Variants in BMPR1B observed in about 807,000 individuals in gnomAD.
BMPR1B encodes the protein bone morphogenetic protein receptor type-1B.
A neutral mutation model predicts 59.1 loss-of-function variants in BMPR1B; 12 were observed. That is an observed-to-expected ratio of 0.20 (90% CI 0.13 to 0.33). The LOEUF is 0.33. Among genes scored for constraint, BMPR1B ranks in the 10% least tolerant of loss-of-function variants. The pLI, the probability that BMPR1B is intolerant of heterozygous loss-of-function variation, is 1.00. For synonymous variants in BMPR1B, 237 were observed against 207.3 expected (o/e 1.14, Z -1.23); for missense variants, 550 against 610.9 (o/e 0.90, Z 1.05).
At chr4:94,801,273 A>G (rs1362645018) in intron 1 of BMPR1B, among the ~76,000 whole-genome samples, 2 of 152,186 alleles carry the variant, frequency 1.3e-5, no homozygotes, top group Non-Finnish European at 2.9e-5. Context: ...GTAAGAAACT[A>G]CTACAACTAA....
chr4:94,935,320 T>C (rs1671896671), intron 2 of BMPR1B, among the ~76,000 whole-genome samples: 1 of 152,186 alleles, frequency 6.6e-6, no homozygotes, highest in Non-Finnish European at 1.5e-5. Flanking sequence ...TAAACCCCTA[T>C]TACGATTTCA....
intron 3 of BMPR1B, among the ~76,000 whole-genome samples, chr4:95,018,113 G>C (rs1362633712): frequency 6.6e-6 from 1 of 152,130 alleles, no homozygotes; most frequent in Non-Finnish European, 1.5e-5. Flanking sequence ...GAAATATTTA[G>C]TGATGAAATA....
At chr4:94,806,920 CTT>C (rs1723626138) in intron 1 of BMPR1B, among the ~76,000 whole-genome samples, 1 of 151,756 alleles carries the variant, frequency 6.6e-6, no homozygotes, top group East Asian at 1.9e-4. Flanking sequence ...CAGTTGATTT[CTT>C]TTTCTTATTA....
At chr4:94,970,407 G>C (rs6532519) in intron 2 of BMPR1B, among the ~76,000 whole-genome samples, 90,479 of 151,572 alleles carry the variant, frequency 0.6, 28,548 homozygotes, top group African/African-American at 0.8. Context: ...CCTCTGCCTC[G>C]TGGGTTGAAG....
At chr4:94,762,981 A>G (rs1721838154) in intron 1 of BMPR1B, among the ~76,000 whole-genome samples, 2 of 151,956 alleles carry the variant, frequency 1.3e-5, no homozygotes, top group Admixed American at 1.3e-4. Flanking sequence ...TAGAGTTCCC[A>G]GATACCACTT....
In BMPR1B at chr4:95,155,475, C is replaced by CTTTTTTTTTTTTTT. The variant is rs548956012; in HGVS notation, c.*821_*834dup. 3 of 64,298 alleles carry CTTTTTTTTTTTTTT rather than the reference C, an allele frequency of 4.7e-5. No homozygotes were observed. Among genetic ancestry groups the CTTTTTTTTTTTTTT allele is most frequent in the African/African-American group, 1.3e-4 (2 of 14,816 alleles). 4.0% of individuals were successfully genotyped at this position (64,298 alleles called of 1,614,324 possible). A position where few individuals can be genotyped will look rare whatever the true frequency, so the allele number is the denominator to read the frequency against. On this transcript the variant is annotated 3_prime_UTR_variant, in exon 13 of 13. Coordinates refer to ENST00000515059, the MANE Select transcript of BMPR1B (RefSeq NM_001203.3). ...CCCTTTTCATTAAACACAAAGAAAG[C>CTTTTTTTTTTTTTT]TTTTTTTTTTTTTTTTTTTTTTTTT... is the stretch of plus-strand genomic sequence containing the variant.
At chr4:94,961,292 A>G (rs191939314) in intron 2 of BMPR1B, among the ~76,000 whole-genome samples, 1 of 152,094 alleles carries the variant, frequency 6.6e-6, no homozygotes, top group East Asian at 1.9e-4. Flanking sequence ...TCATTTGTTT[A>G]TGTGTTGTCT....
At chr4:95,061,383 G>C (rs113686868) in intron 3 of BMPR1B, among the ~76,000 whole-genome samples, 1 of 152,120 alleles carries the variant, frequency 6.6e-6, no homozygotes, top group African/African-American at 2.4e-5. Flanking sequence ...CAGCAATGCA[G>C]CTGTCTCTAA....
At chr4:95,003,248 A>G (rs1383466053) in intron 3 of BMPR1B, among the ~76,000 whole-genome samples, 1 of 152,188 alleles carries the variant, frequency 6.6e-6, no homozygotes, top group Non-Finnish European at 1.5e-5. Context: ...ACTATAGTCC[A>G]CAAGGATTTT....
intron 12 of BMPR1B, 63 bp from the exon 13 acceptor site, chr4:95,154,485 G>A (rs1021961127): frequency 1.2e-6 from 2 of 1,607,982 alleles, no homozygotes; most frequent in East Asian, 4.5e-5. Flanking sequence ...AAACTAAAAA[G>A]CTACATTGTA....
intron 2 of BMPR1B, among the ~76,000 whole-genome samples, chr4:94,879,011 A>G (rs1035672685): frequency 6.7e-6 from 1 of 150,112 alleles, no homozygotes; most frequent in East Asian, 1.9e-4. Flanking sequence ...TTATTTTTTT[A>G]TTATTATACT....
chr4:94,857,210 T>C (rs1725793780), intron 1 of BMPR1B, among the ~76,000 whole-genome samples: 1 of 152,138 alleles, frequency 6.6e-6, no homozygotes, highest in Non-Finnish European at 1.5e-5. Flanking sequence ...CTTACTCTTA[T>C]GCAAATAAAT....
chr4:94,892,052 A>C lies in BMPR1B; in HGVS notation c.-113+16152A>C, dbSNP rs867024809. Among the ~76,000 whole-genome samples, 13 of 152,166 alleles carry C rather than the reference A, an allele frequency of 8.5e-5. No individual in the cohort carries two copies. The East Asian group carries it at 1.9e-3, about 23-fold the overall frequency. On this transcript the variant is annotated intron_variant, in intron 2 of 12. Coordinates refer to ENST00000515059, the MANE Select transcript of BMPR1B (RefSeq NM_001203.3). ...TTCATTAAGAGTGGTCCTTTTCAAA[A>C]AAACTCATGTCTCATTTAGGGAAAT...
At chr4:94,937,865 A>G (rs146814698) in intron 2 of BMPR1B, among the ~76,000 whole-genome samples, 26 of 152,248 alleles carry the variant, frequency 1.7e-4, no homozygotes, top group Non-Finnish European at 3.1e-4. Flanking sequence ...TGGAAGTGGC[A>G]CTATGGTTTG....
At chr4:95,078,627 T>C (rs1187814640) in intron 3 of BMPR1B, among the ~76,000 whole-genome samples, 1 of 152,248 alleles carries the variant, frequency 6.6e-6, no homozygotes, top group African/African-American at 2.4e-5. Flanking sequence ...TGTAATGTGC[T>C]GCCAAGGTTA....
intron 1 of BMPR1B, among the ~76,000 whole-genome samples, chr4:94,782,275 C>A (rs1290147812): frequency 1.3e-5 from 2 of 151,722 alleles, no homozygotes; most frequent in Admixed American, 6.6e-5. Context: ...ACAGATACTT[C>A]CTTCTACTCA....
intron 1 of BMPR1B, among the ~76,000 whole-genome samples, chr4:94,829,917 C>A (rs368166132): frequency 1.5e-4 from 23 of 152,252 alleles, no homozygotes; most frequent in African/African-American, 4.1e-4. Context: ...TTGGAAGCTT[C>A]TCTTTGAGCA....
chr4:94,877,863 A>G (rs1201994658), intron 2 of BMPR1B, among the ~76,000 whole-genome samples: 2 of 152,198 alleles, frequency 1.3e-5, no homozygotes, highest in African/African-American at 2.4e-5. Context: ...AAAATAATCT[A>G]TGCTTATTAG....
chr4:94,957,333 GTTTTTTTTTTTTT>G (rs56341742), intron 2 of BMPR1B, among the ~76,000 whole-genome samples: 88 of 65,664 alleles, frequency 1.3e-3, no homozygotes, highest in African/African-American at 4.0e-3. Flanking sequence ...CCTGTTTCGT[GTTTTTTTTTTTTT>G]TTTTTTTTTT....
Sources: gnomAD v4.1 joint callset for allele counts (sites outside exome capture counted in the v4.1 genomes callset) on GRCh38, gnomAD v4.1.1 for gene constraint, MANE v1.5 for transcripts, NCBI Gene and HGNC (gene_info 2026-07-23, HGNC 2026-07-21) for gene names.